Variants in DUSP10 observed in about 807,000 individuals in gnomAD.
The protein encoded by DUSP10 is dual specificity protein phosphatase 10.
In DUSP10, 14 loss-of-function variants were observed where a neutral mutation model predicts 30.8. The observed-to-expected ratio is 0.46, with a 90% confidence interval of 0.30 to 0.71. The LOEUF (loss-of-function observed/expected upper bound fraction) is 0.71. Among genes scored for constraint, DUSP10 ranks in the 30% least tolerant of loss-of-function variants. DUSP10 has a pLI of 0.08. For synonymous variants in DUSP10, 254 were observed against 250.4 expected (o/e 1.01, Z -0.14); for missense variants, 550 against 619.4 (o/e 0.89, Z 1.19).
chr1:221,713,203 G>A (rs1660993141), intron 2 of DUSP10, among the ~76,000 whole-genome samples: 1 of 152,166 alleles, frequency 6.6e-6, no homozygotes, highest in Non-Finnish European at 1.5e-5. Flanking sequence ...CAGAGAGGGA[G>A]GACAAAGCAG....
At chr1:221,722,047 T>C (rs910957898) in intron 2 of DUSP10, among the ~76,000 whole-genome samples, 9 of 152,180 alleles carry the variant, frequency 5.9e-5, no homozygotes, top group Non-Finnish European at 1.2e-4. Flanking sequence ...CTGAAATCAG[T>C]AATTTGGAGT....
At chr1:221,733,118 T>A (rs145531779) in intron 2 of DUSP10, among the ~76,000 whole-genome samples, 3 of 152,254 alleles carry the variant, frequency 2.0e-5, no homozygotes, top group Non-Finnish European at 4.4e-5. Context: ...TTCTGGCTTC[T>A]GATAATGCAG....
intron 2 of DUSP10, among the ~76,000 whole-genome samples, chr1:221,719,084 A>G (rs966252546): frequency 6.6e-6 from 1 of 152,236 alleles, no homozygotes; most frequent in Non-Finnish European, 1.5e-5. Flanking sequence ...CCCCATGTCC[A>G]ACAAACAGTA....
rs201887557 is a variant in DUSP10 at position 221,739,657 on chromosome 1, T to G, written c.88A>C (p.Ser30Arg). The G allele has an allele frequency of 5.8e-5, 93 of 1,614,004 alleles. No individual in the cohort carries two copies. Among genetic ancestry groups the G allele is most frequent in the Non-Finnish European group, 7.3e-5 (86 of 1,180,018 alleles). Residue 30 changes from serine to arginine, a missense_variant, in exon 2 of 4, where the codon AGT (serine) becomes CGT (arginine). By Grantham distance (110) the Ser-to-Arg change is moderately radical. Transcript: ENST00000366899. ...CCTGGGTTGGCAGAGCCAAGGTAAC[T>G]AGAGTCTAAACAAAGGTTGAGATCC... ...PQDLNLCLDS[S>R]YLGSANPGSN...
chr1:221,714,264 TAGTG>T (rs1302839997), intron 2 of DUSP10, among the ~76,000 whole-genome samples: 1 of 152,174 alleles, frequency 6.6e-6, no homozygotes, highest in African/African-American at 2.4e-5. Flanking sequence ...CTTAGGCAGA[TAGTG>T]AGGGTACAGA....
At chr1:221,740,528 G>T (rs1289748949) in intron 1 of DUSP10, among the ~76,000 whole-genome samples, 1 of 152,120 alleles carries the variant, frequency 6.6e-6, no homozygotes, top group Non-Finnish European at 1.5e-5. Flanking sequence ...GCCAGATCTG[G>T]AAACCTGGAA....
intron 2 of DUSP10, among the ~76,000 whole-genome samples, chr1:221,728,972 A>G (rs1431652658): frequency 6.6e-6 from 1 of 152,210 alleles, no homozygotes; most frequent in East Asian, 1.9e-4. Flanking sequence ...GAAGTATACC[A>G]GAGCTACACC....
intron 2 of DUSP10, among the ~76,000 whole-genome samples, chr1:221,729,893 C>T (rs1558124843): frequency 6.6e-6 from 1 of 152,090 alleles, no homozygotes; most frequent in Admixed American, 6.5e-5. Context: ...AGGGAAGGCC[C>T]TCTTAGAAGT....
chr1:221,702,388 C>T lies in DUSP10; in HGVS notation c.*24G>A, dbSNP rs745311359. 4 of 1,610,278 alleles carry T rather than the reference C, an allele frequency of 2.5e-6. No individual in the cohort carries two copies. On this transcript the variant is annotated 3_prime_UTR_variant, in exon 4 of 4. Coordinates refer to ENST00000366899, the MANE Select transcript of DUSP10 (RefSeq NM_007207.6). The surrounding 1 kb of genome is among the most constrained non-coding windows in gnomAD (Gnocchi z 4.5). Reference sequence around the variant, plus strand: ...CTCATTGTCTCCTAATGGAGAGCAGCAATCCTTTCCATCCAGACCATTGTC... The same window carrying T: ...CTCATTGTCTCCTAATGGAGAGCAGTAATCCTTTCCATCCAGACCATTGTC...
At chr1:221,736,935 G>C (rs1388335116) in intron 2 of DUSP10, 2 of 985,352 alleles carry the variant, frequency 2.0e-6, no homozygotes, top group African/African-American at 1.7e-5. Flanking sequence ...AGGGCGCCCA[G>C]TGGTGAGGTC....
chr1:221,738,544 C>A (rs1179701221), intron 2 of DUSP10, among the ~76,000 whole-genome samples: 1 of 152,236 alleles, frequency 6.6e-6, no homozygotes, highest in African/African-American at 2.4e-5. Context: ...GTTCCATCAA[C>A]ATTGGTTAAG....
At position 221,706,846 on chromosome 1, in the gene DUSP10, C is replaced by T. The variant is rs1660784302; in HGVS notation, c.812-380G>A. ...TACATAGAACCCTGTGCTTTGGGAG[C>T]CAAGAAAGGCACAGATGACCTCCTC... On this transcript the variant is annotated intron_variant, in intron 2 of 3. Coordinates refer to ENST00000366899, the MANE Select transcript of DUSP10 (RefSeq NM_007207.6). This position sits in a 1 kb window ranked among gnomAD's most constrained non-coding sequence, Gnocchi z 4.6. Among the ~76,000 whole-genome samples the T allele has an allele frequency of 6.6e-6, 1 of 152,054 alleles. No homozygotes were observed. Among genetic ancestry groups the T allele is most frequent in the South Asian group, 2.1e-4 (1 of 4,816 alleles).
chr1:221,718,770 A>G (rs2102630999), intron 2 of DUSP10, among the ~76,000 whole-genome samples: 1 of 152,346 alleles, frequency 6.6e-6, no homozygotes, highest in African/African-American at 2.4e-5. Context: ...CCCAAATTAA[A>G]CACATCACAG....
rs1416853856 is a variant in DUSP10, at chr1:221,702,472, G to A, written c.1389C>T (p.Asn463=). ...GQLLEFEEDL[N]NGVTPRILTP... ...TAAGGATTCTCGGTGTCACACCGTT[G>A]TTTAGGTCTTCCTCGAACTCTAGCA... Residue 463 remains asparagine, a synonymous_variant, in exon 4 of 4, where the codon AAC becomes AAT. Coordinates refer to ENST00000366899, the MANE Select transcript of DUSP10 (RefSeq NM_007207.6). The surrounding 1 kb of genome is among the most constrained non-coding windows in gnomAD (Gnocchi z 4.5). 4 of 1,614,000 alleles carry A rather than the reference G, an allele frequency of 2.5e-6. No homozygotes were observed. Among genetic ancestry groups the A allele is most frequent in the Non-Finnish European group, 3.4e-6 (4 of 1,180,030 alleles).
chr1:221,707,299 C>A (rs775613250), intron 2 of DUSP10, among the ~76,000 whole-genome samples: 9 of 152,174 alleles, frequency 5.9e-5, no homozygotes, highest in Non-Finnish European at 1.3e-4. Flanking sequence ...CTCTTATAAT[C>A]TTTTTTGATA....
At chr1:221,740,177 C>T (rs1173937349) in intron 1 of DUSP10, among the ~76,000 whole-genome samples, 3 of 152,194 alleles carry the variant, frequency 2.0e-5, no homozygotes, top group African/African-American at 4.8e-5. Flanking sequence ...ACACTGCAAA[C>T]ATCTGAGAAA....
chr1:221,719,688 G>T (rs1232291221), intron 2 of DUSP10, among the ~76,000 whole-genome samples: 1 of 152,146 alleles, frequency 6.6e-6, no homozygotes, highest in Non-Finnish European at 1.5e-5. Context: ...TCCCGTATCT[G>T]GCACCATCAG....
At chr1:221,714,910 A>C (rs145295423) in intron 2 of DUSP10, among the ~76,000 whole-genome samples, 5 of 152,256 alleles carry the variant, frequency 3.3e-5, no homozygotes, top group African/African-American at 1.2e-4. Flanking sequence ...GTTAAAAAAA[A>C]CCCAGCATTC....
intron 2 of DUSP10, among the ~76,000 whole-genome samples, chr1:221,709,215 G>A (rs765140438): frequency 1.5e-4 from 23 of 152,100 alleles, no homozygotes; most frequent in African/African-American, 4.8e-4. Context: ...AATACAAGAA[G>A]AACTACTTTG....
Sources: gnomAD v4.1 joint callset for allele counts (sites outside exome capture counted in the v4.1 genomes callset) on GRCh38, gnomAD v4.1.1 for gene constraint, Gnocchi (gnomAD v3.1) non-coding constraint, MANE v1.5 for transcripts, NCBI Gene and HGNC (gene_info 2026-07-23, HGNC 2026-07-21) for gene names.